CDKL3: variants seen among roughly 807,000 people sequenced by gnomAD.
The protein encoded by CDKL3 is cyclin dependent kinase like 3, also known as cyclin-dependent kinase-like 3.
CDKL3 carries 65 observed loss-of-function variants against 69.3 expected under a neutral mutation model. That is an observed-to-expected ratio of 0.94 (90% CI 0.77 to 1.15). The LOEUF (loss-of-function observed/expected upper bound fraction) is 1.15, where lower values mean the gene tolerates loss of function less well. Ranked by LOEUF, CDKL3 falls within the 50% of genes most tolerant of loss-of-function variation. CDKL3 has a pLI of 0.00. For synonymous variants in CDKL3, 202 were observed against 221.6 expected (o/e 0.91, Z 0.79); for missense variants, 652 against 689.2 (o/e 0.95, Z 0.61).
At chr5:134,299,858 A>G in intron 12 of CDKL3, 1 of 700,212 alleles carries the variant, frequency 1.4e-6, no homozygotes, top group African/African-American at 1.8e-5. Context: ...GGGTTGTTTC[A>G]TAAGGTACAG....
chr5:134,286,335 C>G (rs548104073), downstream of CDKL3: 8 of 154,880 alleles, frequency 5.2e-5, no homozygotes, highest in Middle Eastern at 6.5e-3. Context: ...TTGTCCATAT[C>G]ATGATCAAGC....
chr5:134,317,557 G>A (rs940818839), intron 6 of CDKL3, among the ~76,000 whole-genome samples: 3 of 152,220 alleles, frequency 2.0e-5, no homozygotes, highest in Admixed American at 6.5e-5. Context: ...ATAGGAGTTC[G>A]AGGTTGCAGT....
At chr5:134,350,832 A>G (rs1753083106) in intron 3 of CDKL3, among the ~76,000 whole-genome samples, 2 of 104,784 alleles carry the variant, frequency 1.9e-5, no homozygotes, top group East Asian at 4.6e-4. Flanking sequence ...GAAAAAAAAG[A>G]AAAAAAAAAA....
At chr5:134,299,373 T>C in intron 12 of CDKL3, 1 of 495,692 alleles carries the variant, frequency 2.0e-6, no homozygotes, top group Non-Finnish European at 2.9e-6. Context: ...AAACCAATGC[T>C]AAGAATGACC....
chr5:134,348,578 TA>T (rs113403053), intron 4 of CDKL3, among the ~76,000 whole-genome samples: 47 of 147,502 alleles, frequency 3.2e-4, no homozygotes, highest in Non-Finnish European at 3.0e-4. Flanking sequence ...AGTGGGAGGT[TA>T]AAAAAAAAAG....
intron 7 of CDKL3, among the ~76,000 whole-genome samples, chr5:134,311,548 A>G (rs920405067): frequency 2.0e-5 from 3 of 152,042 alleles, no homozygotes; most frequent in Non-Finnish European, 4.4e-5. Flanking sequence ...GAATAAGTAG[A>G]AAAAAAATCA....
At chr5:134,324,652 T>C (rs926946949) in intron 4 of CDKL3, among the ~76,000 whole-genome samples, 2 of 152,110 alleles carry the variant, frequency 1.3e-5, no homozygotes, top group African/African-American at 4.8e-5. Flanking sequence ...GCCTAAAGTA[T>C]AGTAACAGTA....
At chr5:134,296,287 A>C (rs1404303210), downstream of CDKL3, among the ~76,000 whole-genome samples, 1 of 152,184 alleles carries the variant, frequency 6.6e-6, no homozygotes, top group East Asian at 1.9e-4. Context: ...TGGTGATACC[A>C]GTTTGCAAAC....
chr5:134,366,328 G>T (rs1455244653), intron 2 of CDKL3, 31 bp downstream of exon 2: 3 of 1,486,904 alleles, frequency 2.0e-6, no homozygotes, highest in Admixed American at 2.7e-5. Flanking sequence ...TTTTTCTTTT[G>T]ACTTAGATGA....
At chr5:134,312,526 C>T (rs1249798938) in intron 6 of CDKL3, 146 bp from the exon 7 acceptor site, 1 of 543,138 alleles carries the variant, frequency 1.8e-6, no homozygotes, top group African/African-American at 2.0e-5. Flanking sequence ...TCAGGAACTT[C>T]TGGTAGTAAG....
intron 8 of CDKL3, among the ~76,000 whole-genome samples, chr5:134,293,277 C>T (rs1765206943): frequency 6.6e-6 from 1 of 151,864 alleles, no homozygotes; most frequent in Non-Finnish European, 1.5e-5. Context: ...GCCTCGGCCT[C>T]CCAAAATGCT....
At chr5:134,371,176 A>T (rs150039992), upstream of CDKL3, 16 of 272,932 alleles carry the variant, frequency 5.9e-5, no homozygotes, top group East Asian at 1.8e-3. Context: ...TCTGGCCCGG[A>T]TGCGTCCCTC....
At chr5:134,307,736 C>T (rs1472165739) in intron 9 of CDKL3, among the ~76,000 whole-genome samples, 3 of 152,172 alleles carry the variant, frequency 2.0e-5, no homozygotes, top group African/African-American at 7.2e-5. Context: ...GGCTATTTGA[C>T]TTACGAAAGA....
At chr5:134,357,603 G>C (rs1754948492) in intron 3 of CDKL3, among the ~76,000 whole-genome samples, 2 of 152,080 alleles carry the variant, frequency 1.3e-5, no homozygotes, top group Admixed American at 6.5e-5. Flanking sequence ...TTGTACTCCA[G>C]CCTGGGTGAC....
chr5:134,369,757 A>G (rs923697029), upstream of CDKL3, among the ~76,000 whole-genome samples: 8 of 152,130 alleles, frequency 5.3e-5, no homozygotes, highest in African/African-American at 1.9e-4. Flanking sequence ...TTGTAGAGAC[A>G]GGATCTCCTA....
chr5:134,345,196 AACTG>A lies in CDKL3; in HGVS notation c.539+5049_539+5052del, dbSNP rs144792069. Among the ~76,000 whole-genome samples the A allele has an allele frequency of 2.0e-3, 297 of 152,264 alleles. 1 individual carries two copies. The East Asian group carries it at 0.024, about 12-fold the overall frequency. Reference sequence around the variant, plus strand: ...ATGGGGTTTTTACTGAGGTGATGAAAACTGACTGGTGATGGTAGTACATATCTGT... The same window carrying A: ...ATGGGGTTTTTACTGAGGTGATGAAAACTGGTGATGGTAGTACATATCTGT... On this transcript the variant is annotated intron_variant, in intron 4 of 12. Transcript: ENST00000265334.
At chr5:134,340,358 G>T (rs1049294026) in intron 4 of CDKL3, among the ~76,000 whole-genome samples, 1 of 151,598 alleles carries the variant, frequency 6.6e-6, no homozygotes, top group African/African-American at 2.4e-5. Flanking sequence ...ACAAAAAGAA[G>T]GAAATATTTA....
intron 12 of CDKL3, 123 bp downstream of exon 12, chr5:134,302,467 G>T: frequency 1.6e-6 from 1 of 623,524 alleles, no homozygotes; most frequent in South Asian, 1.8e-5. Flanking sequence ...TGTTTCTTTA[G>T]TTCAAAGATT....
chr5:134,355,893 T>C (rs1181610600), intron 3 of CDKL3, among the ~76,000 whole-genome samples: 2 of 152,198 alleles, frequency 1.3e-5, no homozygotes, highest in African/African-American at 2.4e-5. Context: ...CCCGCTTCCA[T>C]CACTCATTAA....
Sources: allele counts gnomAD v4.1 joint callset (sites outside exome capture counted in the v4.1 genomes callset), GRCh38; gene constraint gnomAD v4.1.1; transcripts MANE v1.5; gene names NCBI Gene and HGNC (gene_info 2026-07-23, HGNC 2026-07-21).